Variants in RYR2 observed in about 807,000 individuals in gnomAD.
RYR2 encodes the protein ryanodine receptor 2.
Under a neutral mutation model 601.1 loss-of-function variants are expected in RYR2, and 227 were observed. The observed-to-expected ratio is 0.38, with a 90% CI of 0.34 to 0.42. RYR2 has a LOEUF of 0.42. RYR2 is among the 10% of genes least tolerant of loss of function. The probability of loss-of-function intolerance (pLI) is 1.00; values close to 1 mark genes in which losing one functional copy is unlikely to be tolerated. For synonymous variants in RYR2, 2,223 were observed against 2,175.1 expected (o/e 1.02, Z -0.61); for missense variants, 4,646 against 6,156.5 (o/e 0.75, Z 8.21).
At chr1:237,734,363 C>T (rs1690950739) in intron 79 of RYR2, among the ~76,000 whole-genome samples, 1 of 152,130 alleles carries the variant, frequency 6.6e-6, no homozygotes, top group South Asian at 2.1e-4. Flanking sequence ...AGAACTCACT[C>T]ACTATCGTGA....
At chr1:237,242,466 CAGAA>C (rs1477534065) in intron 1 of RYR2, among the ~76,000 whole-genome samples, 1 of 151,972 alleles carries the variant, frequency 6.6e-6, no homozygotes, top group African/African-American at 2.4e-5. Context: ...CAGTAGAAAG[CAGAA>C]AGATGATTTT....
intron 1 of RYR2, among the ~76,000 whole-genome samples, chr1:237,267,257 G>A (rs1287782455): frequency 1.3e-5 from 2 of 152,186 alleles, no homozygotes; most frequent in East Asian, 3.9e-4. Flanking sequence ...AGTGGCCCAC[G>A]CCTGTAATCC....
chr1:237,133,792 GC>G (rs1207314373), intron 1 of RYR2, among the ~76,000 whole-genome samples: 1 of 152,002 alleles, frequency 6.6e-6, no homozygotes, highest in Non-Finnish European at 1.5e-5. Flanking sequence ...GGGCATGGTG[GC>G]ACATTCCTGT....
chr1:237,090,715 C>T lies in RYR2; in HGVS notation c.48+48146C>T, dbSNP rs573864537. Among the ~76,000 whole-genome samples the T allele has an allele frequency of 2.6e-5, 4 of 152,294 alleles. No homozygotes were observed. In the East Asian group the frequency reaches 7.8e-4, roughly 30 times the overall value. ...TCCTTGGTTATAAATGACTGAATGA[C>T]TGACTGTCCTCCCTGACCTTCAGGT... On this transcript the variant is annotated intron_variant, in intron 1 of 104. Coordinates refer to ENST00000366574, the MANE Select transcript of RYR2 (RefSeq NM_001035.3).
At chr1:237,772,481 A>G (rs914578237) in intron 86 of RYR2, among the ~76,000 whole-genome samples, 2 of 152,184 alleles carry the variant, frequency 1.3e-5, no homozygotes, top group African/African-American at 4.8e-5. Context: ...TGCAACTACT[A>G]CCATACACTT....
chr1:237,437,066 A>G (rs1707464742), intron 12 of RYR2, among the ~76,000 whole-genome samples: 2 of 150,684 alleles, frequency 1.3e-5, no homozygotes, highest in South Asian at 2.1e-4. Flanking sequence ...TTTTTTTGAG[A>G]TGGACTCTGG....
chr1:237,495,509 T>C (rs1360161959), intron 19 of RYR2, among the ~76,000 whole-genome samples: 1 of 152,186 alleles, frequency 6.6e-6, no homozygotes, highest in Non-Finnish European at 1.5e-5. Flanking sequence ...TCTATGTTTT[T>C]GTTTGTTTGT....
chr1:237,221,135 A>G (rs1180911526), intron 1 of RYR2, among the ~76,000 whole-genome samples: 1 of 152,034 alleles, frequency 6.6e-6, no homozygotes, highest in African/African-American at 2.4e-5. Flanking sequence ...AACAACAACA[A>G]CAAATTGGGG....
chr1:237,163,355 A>ACCCCCC (rs67343728), intron 1 of RYR2, among the ~76,000 whole-genome samples: 71 of 90,280 alleles, frequency 7.9e-4, no homozygotes, highest in African/African-American at 1.7e-3. Flanking sequence ...CCAACCCCCT[A>ACCCCCC]CCCCCCCCAC....
At chr1:237,608,826 A>G (rs1280709731) in intron 35 of RYR2, among the ~76,000 whole-genome samples, 2 of 142,842 alleles carry the variant, frequency 1.4e-5, no homozygotes, top group Non-Finnish European at 3.0e-5. Context: ...TTTTTACAAA[A>G]TTGGACAAGG....
intron 23 of RYR2, among the ~76,000 whole-genome samples, chr1:237,509,152 G>C (rs1665620932): frequency 6.6e-6 from 1 of 152,170 alleles, no homozygotes; most frequent in Non-Finnish European, 1.5e-5. Context: ...CACTGGGCTT[G>C]ATGTACCTCT....
intron 66 of RYR2, 91 bp downstream of exon 66, chr1:237,702,150 C>T (rs753900145): frequency 1.6e-5 from 12 of 759,040 alleles, no homozygotes; most frequent in East Asian, 2.7e-5. Context: ...TAACCTGTTT[C>T]CTAGTTATAA....
chr1:237,117,685 C>G (rs1272191228), intron 1 of RYR2, among the ~76,000 whole-genome samples: 3 of 60,526 alleles, frequency 5.0e-5, no homozygotes, highest in South Asian at 6.5e-4. Context: ...CTCTTCTCTT[C>G]TCTTCTCTTC....
At chr1:237,142,686 C>T (rs1343615450) in intron 1 of RYR2, among the ~76,000 whole-genome samples, 4 of 152,200 alleles carry the variant, frequency 2.6e-5, no homozygotes, top group Admixed American at 2.6e-4. Flanking sequence ...AGACTTTGAT[C>T]TCGTCCGCAC....
chr1:237,084,365 C>G (rs1038973075), intron 1 of RYR2, among the ~76,000 whole-genome samples: 1 of 152,092 alleles, frequency 6.6e-6, no homozygotes, highest in Non-Finnish European at 1.5e-5. Context: ...GCTACATAAG[C>G]AGAAATCTGT....
chr1:237,563,143 C>T (rs967529108), intron 27 of RYR2, among the ~76,000 whole-genome samples: 2 of 152,150 alleles, frequency 1.3e-5, no homozygotes, highest in Admixed American at 1.3e-4. Flanking sequence ...CACAGTGGCT[C>T]ACACCTGTAA....
chr1:237,454,613 T>G (rs776501820), intron 15 of RYR2, 39 bp downstream of exon 15: 1 of 1,594,906 alleles, frequency 6.3e-7, no homozygotes, highest in Admixed American at 1.7e-5. Flanking sequence ...TCTGTTATTC[T>G]CTTGTAAAAA....
chr1:237,502,475 G>C (rs528321149), intron 21 of RYR2, among the ~76,000 whole-genome samples: 1 of 152,060 alleles, frequency 6.6e-6, no homozygotes, highest in East Asian at 1.9e-4. Context: ...ATTTTTCTAC[G>C]GGCCAGGGCT....
At chr1:237,188,188 T>C (rs913133261) in intron 1 of RYR2, among the ~76,000 whole-genome samples, 3 of 152,232 alleles carry the variant, frequency 2.0e-5, no homozygotes, top group African/African-American at 7.2e-5. Context: ...TGTAAATGTA[T>C]TTCTCCTAAG....
Sources: allele counts gnomAD v4.1 joint callset (sites outside exome capture counted in the v4.1 genomes callset), GRCh38; gene constraint gnomAD v4.1.1; transcripts MANE v1.5; gene names NCBI Gene and HGNC (gene_info 2026-07-23, HGNC 2026-07-21).